Variants in FREM1 observed in about 807,000 individuals in gnomAD.
FREM1 encodes FRAS1-related extracellular matrix protein 1.
Under a neutral mutation model 210.1 loss-of-function variants are expected in FREM1, and 220 were observed. The observed-to-expected ratio is 1.05, with a 90% CI of 0.94 to 1.17. The LOEUF is 1.17. Ranked by LOEUF, FREM1 falls within the 50% of genes most tolerant of loss-of-function variation. The probability of loss-of-function intolerance (pLI) is 0.00; values close to 1 mark genes in which losing one functional copy is unlikely to be tolerated. For missense variants in FREM1, 3,454 were observed against 2,675.5 expected (o/e 1.29, Z -6.42); for synonymous variants, 1,189 against 980.2 (o/e 1.21, Z -3.98).
intron 30 of FREM1, among the ~76,000 whole-genome samples, chr9:14,749,698 A>G (rs1843007485): frequency 6.6e-6 from 1 of 152,180 alleles, no homozygotes; most frequent in Non-Finnish European, 1.5e-5. Context: ...CATCTTTCAC[A>G]TCTATTTTTC....
intron 1 of FREM1, among the ~76,000 whole-genome samples, chr9:14,900,440 T>C (rs142231953): frequency 2.6e-4 from 39 of 152,312 alleles, no homozygotes; most frequent in African/African-American, 9.1e-4. Context: ...ATCTTTGGCA[T>C]GTCTAAAACA....
Position 14,770,626 on chromosome 9 carries a change from G to A in FREM1, c.5038C>T (p.His1680Tyr), listed in dbSNP as rs1360661470. ...GTACCTGTTGTTGTGTTCTCCAGAT[G>A]TCCATGTTTTGGGCCTTGTAGAATT... is the stretch of plus-strand genomic sequence containing the variant. ...FKILQGPKHG[H>Y]LENTTTGEFI... Residue 1680 changes from histidine (H) to tyrosine (Y), a missense_variant, in exon 26 of 37, where the codon CAT becomes TAT. By Grantham distance (83) the His-to-Tyr change is moderately conservative (BLOSUM62 2). Transcript: ENST00000380880. 5 of 1,612,762 alleles carry A rather than the reference G, an allele frequency of 3.1e-6. No individual in the cohort carries two copies. The highest frequency in any genetic ancestry group is 1.3e-5 in the African/African-American group (1 of 74,874).
chr9:14,863,306 A>G (rs953683132), intron 3 of FREM1, among the ~76,000 whole-genome samples: 1 of 147,844 alleles, frequency 6.8e-6, no homozygotes, highest in African/African-American at 2.5e-5. Flanking sequence ...GCGCCACTGC[A>G]CTCCAGCCTG....
At chr9:14,860,581 ACAC>A (rs1352442626) in intron 3 of FREM1, among the ~76,000 whole-genome samples, 23 of 138,340 alleles carry the variant, frequency 1.7e-4, no homozygotes, top group African/African-American at 6.1e-4. Context: ...ACATATATAT[ACAC>A]ATATATATAC....
intron 31 of FREM1, 61 bp downstream of exon 31, chr9:14,748,340 A>G: frequency 1.1e-6 from 1 of 928,450 alleles, no homozygotes; most frequent in East Asian, 2.6e-5. Flanking sequence ...ACTTATTAAT[A>G]TCTTCTGATC....
At chr9:14,874,430 T>A (rs1424016117) in intron 1 of FREM1, among the ~76,000 whole-genome samples, 22 of 150,692 alleles carry the variant, frequency 1.5e-4, no homozygotes, top group Non-Finnish European at 2.7e-4. Context: ...AATGGCCTTC[T>A]TTGTCTCTTT....
In FREM1 at chr9:14,910,347, C is replaced by CAAAACTG. The variant is rs1196760148; in HGVS notation, c.-708_-702dup. The CAAAACTG allele has an allele frequency of 2.0e-5, 3 of 152,328 alleles. No individual in the cohort carries two copies. The highest frequency in any genetic ancestry group is 7.2e-5 in the African/African-American group (3 of 41,464). 9.4% of individuals were successfully genotyped at this position (152,328 alleles called of 1,614,324 possible). Reference sequence around the variant, plus strand: ...CTTCTGCTGGTTGGGTCCGCAGGGACAAAACTGAGCTTTTGTTAATGAGGT... The same window carrying CAAAACTG: ...CTTCTGCTGGTTGGGTCCGCAGGGACAAAACTGAAAACTGAGCTTTTGTTAATGAGGT... On this transcript the variant is annotated 5_prime_UTR_variant, in exon 1 of 37. Coordinates refer to ENST00000380880, the MANE Select transcript of FREM1 (RefSeq NM_001379081.2).
chr9:14,799,375 G>C (rs903815517), intron 20 of FREM1, among the ~76,000 whole-genome samples: 18 of 152,046 alleles, frequency 1.2e-4, no homozygotes, highest in Admixed American at 1.2e-3. Flanking sequence ...GGATGTTTAT[G>C]AGAATATGCT....
Position 14,807,935 on chromosome 9 carries a change from G to A in FREM1, c.3088+5C>T. The A allele has an allele frequency of 6.2e-7, 1 of 1,605,410 alleles. No individual in the cohort carries two copies. Among genetic ancestry groups the A allele is most frequent in the Non-Finnish European group, 8.5e-7 (1 of 1,172,960 alleles). On this transcript the variant is annotated splice_donor_5th_base_variant and intron_variant, in intron 17 of 36. Coordinates refer to ENST00000380880, the MANE Select transcript of FREM1 (RefSeq NM_001379081.2). ...TAGTACTGGAACAAAAAAACACATT[G>A]TCACCTATTGCAATGGAAGGTGGCT...
intron 1 of FREM1, among the ~76,000 whole-genome samples, chr9:14,896,409 T>G (rs2132490666): frequency 6.6e-6 from 1 of 152,030 alleles, no homozygotes; most frequent in South Asian, 2.1e-4. Context: ...CTGGGAGTGG[T>G]GGTGTGCACC....
At chr9:14,745,441 C>T (rs1842244634) in intron 35 of FREM1, among the ~76,000 whole-genome samples, 1 of 152,096 alleles carries the variant, frequency 6.6e-6, no homozygotes, top group Non-Finnish European at 1.5e-5. Flanking sequence ...CTTGCGAAGA[C>T]TCCAAATCAT....
rs1209201079 is a variant in FREM1, at chr9:14,792,951, T to C, written c.3840-67A>G. 1.3e-5 allele frequency: 13 copies of C among 996,172 alleles called. No homozygotes were observed. In the African/African-American group the frequency reaches 1.3e-4, roughly 10 times the overall value. 61.7% of individuals were successfully genotyped at this position (996,172 alleles called of 1,614,324 possible). A position where few individuals can be genotyped will look rare whatever the true frequency, so the allele number is the denominator to read the frequency against. ...ATATTCCTTTAGTAGGGGACACTTATATTGACTATCACAGTTCCCAATCTT... is the reference window on the plus strand; with the variant it reads ...ATATTCCTTTAGTAGGGGACACTTACATTGACTATCACAGTTCCCAATCTT... On this transcript the variant is annotated intron_variant, in intron 21 of 36. Coordinates refer to ENST00000380880, the MANE Select transcript of FREM1 (RefSeq NM_001379081.2).
chr9:14,796,566 T>C (rs996626251), intron 21 of FREM1, among the ~76,000 whole-genome samples: 2 of 152,186 alleles, frequency 1.3e-5, no homozygotes, highest in African/African-American at 2.4e-5. Context: ...CTCATCTTGA[T>C]TGTAGTTCCC....
chr9:14,874,025 C>T (rs1833221389), intron 1 of FREM1, among the ~76,000 whole-genome samples: 1 of 152,090 alleles, frequency 6.6e-6, no homozygotes, highest in Non-Finnish European at 1.5e-5. Context: ...GCACTGTGGT[C>T]TGAGGGACAG....
At chr9:14,803,226 C>A (rs548081331) in intron 19 of FREM1, among the ~76,000 whole-genome samples, 2 of 102,308 alleles carry the variant, frequency 2.0e-5, no homozygotes, top group African/African-American at 6.7e-5. Flanking sequence ...TTTTCTTTCT[C>A]TTTCTTTCTC....
At chr9:14,784,668 T>C in intron 23 of FREM1, 34 bp from the exon 24 acceptor site, 2 of 1,436,086 alleles carry the variant, frequency 1.4e-6, no homozygotes, top group Admixed American at 2.5e-5. Context: ...TCAATAATCA[T>C]ATCAAAAAAC....
At chr9:14,815,672 G>C (rs1027508406) in intron 15 of FREM1, among the ~76,000 whole-genome samples, 3 of 152,070 alleles carry the variant, frequency 2.0e-5, no homozygotes, top group Non-Finnish European at 4.4e-5. Flanking sequence ...TTTTGAGTCA[G>C]AGTCTCGCTC....
At chr9:14,853,007 A>C (rs1169532053) in intron 5 of FREM1, among the ~76,000 whole-genome samples, 1 of 152,242 alleles carries the variant, frequency 6.6e-6, no homozygotes, top group Non-Finnish European at 1.5e-5. Context: ...AAAGGTAAGA[A>C]AAAGATTGAT....
At chr9:14,779,302 A>T in intron 24 of FREM1, 1 of 171,032 alleles carries the variant, frequency 5.8e-6, no homozygotes, top group Non-Finnish European at 1.2e-5. Flanking sequence ...TTGGTACCTT[A>T]GCGCAAATAT....
Sources: allele counts gnomAD v4.1 joint callset (sites outside exome capture counted in the v4.1 genomes callset), GRCh38; gene constraint gnomAD v4.1.1; transcripts MANE v1.5; gene names NCBI Gene and HGNC (gene_info 2026-07-23, HGNC 2026-07-21).